FGD4: variants seen among roughly 807,000 people sequenced by gnomAD.
FGD4 encodes the protein FYVE, RhoGEF and PH domain-containing protein 4.
In FGD4, 42 loss-of-function variants were observed where a neutral mutation model predicts 102.0. That is an observed-to-expected ratio of 0.41 (90% CI 0.32 to 0.53). The LOEUF (loss-of-function observed/expected upper bound fraction) is 0.53. Among genes scored for constraint, FGD4 ranks in the 20% least tolerant of loss-of-function variants. The pLI is 0.21. For synonymous variants in FGD4, 380 were observed against 375.7 expected, an observed-to-expected ratio of 1.01 and a Z score of -0.13; for missense variants, 902 against 1,078.2, an observed-to-expected ratio of 0.84 and a Z score of 2.29.
At chr12:32,500,182 A>G (rs528934410) in intron 1 of FGD4, among the ~76,000 whole-genome samples, 2 of 152,182 alleles carry the variant, frequency 1.3e-5, no homozygotes, top group Non-Finnish European at 2.9e-5. Context: ...CGGTGAGACC[A>G]AGGGCAAAGA....
At chr12:32,469,714 C>G (rs2136514699) in intron 1 of FGD4, among the ~76,000 whole-genome samples, 1 of 151,968 alleles carries the variant, frequency 6.6e-6, no homozygotes, top group African/African-American at 2.4e-5. Context: ...GGCTGGAGTG[C>G]AATGGCATAA....
At chr12:32,485,041 A>G (rs1487730983) in intron 1 of FGD4, among the ~76,000 whole-genome samples, 7 of 152,184 alleles carry the variant, frequency 4.6e-5, no homozygotes, top group Non-Finnish European at 1.0e-4. Flanking sequence ...AGCTGGGATG[A>G]CAGGCACATG....
intron 1 of FGD4, among the ~76,000 whole-genome samples, chr12:32,428,835 A>G (rs1440618794): frequency 6.6e-6 from 1 of 152,138 alleles, no homozygotes; most frequent in Admixed American, 6.6e-5. Context: ...GATACTTGTT[A>G]TGCTTCACAA....
intron 4 of FGD4, among the ~76,000 whole-genome samples, chr12:32,591,213 T>G (rs555198105): frequency 6.6e-6 from 1 of 152,314 alleles, no homozygotes; most frequent in East Asian, 1.9e-4. Flanking sequence ...GAATAGAAAC[T>G]TCCCATGATT....
intron 11 of FGD4, among the ~76,000 whole-genome samples, chr12:32,620,878 G>T (rs1290586725): frequency 6.6e-6 from 1 of 150,858 alleles, no homozygotes; most frequent in Non-Finnish European, 1.5e-5. Flanking sequence ...GACCAGGCTG[G>T]TCTCGAACTC....
intron 11 of FGD4, among the ~76,000 whole-genome samples, chr12:32,620,525 T>TTCTTTC (rs1949756723): frequency 4.9e-5 from 4 of 81,720 alleles, no homozygotes; most frequent in African/African-American, 1.6e-4. Context: ...TCTTTCTTTT[T>TTCTTTC]TTTTTTTTTT....
Position 32,586,413 on chromosome 12 carries a change from A to G in FGD4, c.1011+3946A>G, listed in dbSNP as rs543297025. ...TAGCTTGTTTTTCTGAGCTGTTTGA[A>G]AAAACATACTTGATCGCATAATGTA... is the stretch of plus-strand genomic sequence containing the variant. On this transcript the variant is annotated intron_variant, in intron 4 of 16. Transcript: ENST00000534526. Among the ~76,000 whole-genome samples the G allele has an allele frequency of 2.0e-5, 3 of 152,330 alleles. No homozygotes were observed. The South Asian group carries it at 6.2e-4, about 32-fold the overall frequency.
At chr12:32,478,674 C>T (rs1435280379) in intron 1 of FGD4, among the ~76,000 whole-genome samples, 1 of 152,186 alleles carries the variant, frequency 6.6e-6, no homozygotes, top group East Asian at 1.9e-4. Flanking sequence ...TTTCCCACAC[C>T]TGAGTAGTTT....
In FGD4 at chr12:32,636,569, G is replaced by A. The variant is rs533825491; in HGVS notation, c.2314-2086G>A. On this transcript the variant is annotated intron_variant, in intron 15 of 16. Coordinates refer to ENST00000534526, the MANE Select transcript of FGD4 (RefSeq NM_001370298.3). ...AAAAATTGTCTATGCTGAAGCATCAGTTTTTTTTTCCTGAACTATCACAGA... is the reference window on the plus strand; with the variant it reads ...AAAAATTGTCTATGCTGAAGCATCAATTTTTTTTTCCTGAACTATCACAGA... 4.6e-5 allele frequency among the ~76,000 whole-genome samples: 7 copies of A among 150,804 alleles called. No homozygotes were observed. The South Asian group carries it at 1.5e-3, about 32-fold the overall frequency.
intron 10 of FGD4, 93 bp downstream of exon 10, chr12:32,611,376 G>A: frequency 6.8e-7 from 1 of 1,462,382 alleles, no homozygotes; most frequent in Non-Finnish European, 9.5e-7. Flanking sequence ...AGCACTTTGG[G>A]AGGCCGAGGC....
rs562364174 is a variant in FGD4 at position 32,422,001 on chromosome 12, G to A, written c.166+22042G>A. On this transcript the variant is annotated intron_variant, in intron 1 of 16. Coordinates refer to ENST00000534526, the MANE Select transcript of FGD4 (RefSeq NM_001370298.3). ...TAAAAAAAAATACAAAATATTAGCC[G>A]GGTGTGGTGGCGGGCACCTGTAGTC... Among the ~76,000 whole-genome samples the A allele has an allele frequency of 1.1e-3, 165 of 151,680 alleles. 1 individual carries two copies. Among genetic ancestry groups the A allele is most frequent in the African/African-American group, 3.4e-3 (139 of 41,412 alleles).
chr12:32,595,199 T>G (rs1345614202), intron 4 of FGD4, among the ~76,000 whole-genome samples: 1 of 152,048 alleles, frequency 6.6e-6, no homozygotes, highest in Non-Finnish European at 1.5e-5. Context: ...TATTACAGGA[T>G]GGAAAGTCAC....
At chr12:32,413,973 C>CTTT (rs34824025) in intron 1 of FGD4, among the ~76,000 whole-genome samples, 33 of 129,238 alleles carry the variant, frequency 2.6e-4, no homozygotes, top group Admixed American at 8.0e-4. Context: ...CTTGAGGATA[C>CTTT]TTTTTTTTTT....
chr12:32,577,537 A>G (rs1408795897), intron 3 of FGD4, among the ~76,000 whole-genome samples: 2 of 152,146 alleles, frequency 1.3e-5, no homozygotes, highest in African/African-American at 4.8e-5. Flanking sequence ...CCTCCTATCA[A>G]TTTCCTGTGA....
At chr12:32,633,811 G>A in intron 15 of FGD4, 122 bp downstream of exon 15, 1 of 909,514 alleles carries the variant, frequency 1.1e-6, no homozygotes, top group South Asian at 1.6e-5. Context: ...AGCCTCCCAA[G>A]TTGCTGGAAT....
chr12:32,531,549 CAT>C (rs979937707), intron 1 of FGD4, among the ~76,000 whole-genome samples: 18 of 152,222 alleles, frequency 1.2e-4, no homozygotes, highest in African/African-American at 4.3e-4. Context: ...CATTTTATCA[CAT>C]ATGTGTAGCC....
At chr12:32,582,489 T>G (rs773408501) in intron 4 of FGD4, 22 bp downstream of exon 4, 1 of 1,605,646 alleles carries the variant, frequency 6.2e-7, no homozygotes. Context: ...GACTAGCTCA[T>G]GAGCAGGGAA....
chr12:32,638,552 G>C, intron 15 of FGD4, 103 bp from the exon 16 acceptor site: 1 of 1,441,246 alleles, frequency 6.9e-7, no homozygotes, highest in Admixed American at 1.9e-5. Flanking sequence ...ATCTTTTTTG[G>C]ATAGTCCAGG....
chr12:32,570,385 T>C lies in FGD4; in HGVS notation c.320-5881T>C, dbSNP rs571188791. Among the ~76,000 whole-genome samples, 9 of 152,260 alleles carry C rather than the reference T, an allele frequency of 5.9e-5. No homozygotes were observed. In the South Asian group the frequency reaches 1.9e-3, roughly 32 times the overall value. On this transcript the variant is annotated intron_variant, in intron 2 of 16. Transcript: ENST00000534526. ...CACCATTTTTCCTGTCTATATCCTTTGGACTGTTAGGTCTTTTAGTTAATA... is the reference window on the plus strand; with the variant it reads ...CACCATTTTTCCTGTCTATATCCTTCGGACTGTTAGGTCTTTTAGTTAATA...
Sources: gnomAD v4.1 joint callset for allele counts (sites outside exome capture counted in the v4.1 genomes callset) on GRCh38, gnomAD v4.1.1 for gene constraint, MANE v1.5 for transcripts, NCBI Gene and HGNC (gene_info 2026-07-23, HGNC 2026-07-21) for gene names.